VPS35L: variants seen among roughly 807,000 people sequenced by gnomAD.
VPS35L encodes the protein VPS35 endosomal protein sorting factor like.
VPS35L carries 83 observed loss-of-function variants against 133.0 expected under a neutral mutation model. The ratio of observed to expected loss-of-function variants is 0.62; its 90% CI spans 0.52 to 0.75. VPS35L has a LOEUF of 0.75. Among genes scored for constraint, VPS35L ranks in the 30% least tolerant of loss-of-function variants. VPS35L has a pLI of 0.00. For missense variants in VPS35L, 1,083 were observed against 1,206.8 expected (o/e 0.90, Z 1.52); for synonymous variants, 423 against 449.9 (o/e 0.94, Z 0.76).
intron 26 of VPS35L, among the ~76,000 whole-genome samples, chr16:19,660,076 A>G (rs1036382500): frequency 2.6e-5 from 4 of 152,162 alleles, no homozygotes; most frequent in African/African-American, 9.7e-5. Context: ...CTGTAATCCC[A>G]GCACTTTGGG....
At chr16:19,665,617 T>A (rs1974638521) in intron 26 of VPS35L, among the ~76,000 whole-genome samples, 1 of 152,252 alleles carries the variant, frequency 6.6e-6, no homozygotes, top group South Asian at 2.1e-4. Context: ...TCTTGGCTAT[T>A]GTGAACAGTG....
chr16:19,658,230 T>C (rs1174083540), intron 26 of VPS35L, among the ~76,000 whole-genome samples: 1 of 152,148 alleles, frequency 6.6e-6, no homozygotes, highest in African/African-American at 2.4e-5. Context: ...GGAATGCACT[T>C]AAAGAGACTA....
chr16:19,568,306 C>CT lies in VPS35L; in HGVS notation c.118-1106dup, dbSNP rs569208292. 5.2e-3 allele frequency among the ~76,000 whole-genome samples: 759 copies of CT among 144,942 alleles called. 5 individuals carry two copies. The highest frequency in any genetic ancestry group is 0.014 in the African/African-American group (560 of 39,602). On this transcript the variant is annotated intron_variant, in intron 2 of 30. Transcript: ENST00000417362. ...TGGAAGCTCTTCAAACCGCCCCCCC[C>CT]TTTTTTTTTTTTGAGACAGGGTCTC... is the stretch of plus-strand genomic sequence containing the variant.
At chr16:19,560,289 C>G (rs925175565) in intron 1 of VPS35L, among the ~76,000 whole-genome samples, 21 of 152,108 alleles carry the variant, frequency 1.4e-4, no homozygotes, top group African/African-American at 5.1e-4. Flanking sequence ...GCCTGGTATA[C>G]AGTAAGTGCA....
In VPS35L at chr16:19,650,387, G is replaced by A; in HGVS notation, c.2034G>A (p.Val678=). ...EPVLVQLIHS[V]NRLAMETRKV... ...TATTTTATTAATAAATTCAGAGTGT[G>A]AACCGGTTGGCAATGGAGACAAGAA... Residue 678 remains valine (V), a synonymous_variant, in exon 25 of 31, where the codon GTG becomes GTA. Coordinates refer to ENST00000417362, the MANE Select transcript of VPS35L (RefSeq NM_020314.7). 6.2e-7 allele frequency: 1 copy of A among 1,610,990 alleles called. No homozygotes were observed.
At chr16:19,640,948 A>C (rs937443423) in intron 21 of VPS35L, among the ~76,000 whole-genome samples, 1 of 152,138 alleles carries the variant, frequency 6.6e-6, no homozygotes, top group African/African-American at 2.4e-5. Context: ...AGGTCTCTCT[A>C]TGTTGCCCAG....
intron 26 of VPS35L, among the ~76,000 whole-genome samples, chr16:19,655,424 G>A (rs73537554): frequency 0.029 from 4,484 of 152,294 alleles, 228 homozygotes; most frequent in African/African-American, 0.1. Flanking sequence ...CGCTGCTTTT[G>A]TTTGCCTCCC....
intron 26 of VPS35L, 51 bp downstream of exon 26, chr16:19,652,141 C>G: frequency 1.5e-6 from 2 of 1,301,480 alleles, no homozygotes; most frequent in African/African-American, 1.5e-5. Flanking sequence ...CTTAGGAAAA[C>G]TGACTCAGGT....
At chr16:19,615,831 G>A (rs1972870460) in intron 12 of VPS35L, among the ~76,000 whole-genome samples, 1 of 151,718 alleles carries the variant, frequency 6.6e-6, no homozygotes, top group South Asian at 2.1e-4. Context: ...GCCAGGCCTG[G>A]TGACACATGC....
chr16:19,635,291 T>G (rs534296415), intron 19 of VPS35L, among the ~76,000 whole-genome samples: 1 of 152,246 alleles, frequency 6.6e-6, no homozygotes, highest in African/African-American at 2.4e-5. Flanking sequence ...GAGGCTGCAG[T>G]GAGCTATGAT....
At chr16:19,676,374 C>T (rs1481545332) in intron 27 of VPS35L, among the ~76,000 whole-genome samples, 1 of 152,224 alleles carries the variant, frequency 6.6e-6, no homozygotes, top group Non-Finnish European at 1.5e-5. Flanking sequence ...CCTCTCTCCC[C>T]TGCAGACAGA....
rs1175599485 is a variant in VPS35L, at chr16:19,612,397, G to A, written c.1023+1982G>A. Among the ~76,000 whole-genome samples, 3 of 152,092 alleles carry A rather than the reference G, an allele frequency of 2.0e-5. No individual in the cohort carries two copies. The East Asian group carries it at 5.8e-4, about 29-fold the overall frequency. ...GCCTCCGGAGTAGCTGGGATTACAG[G>A]CACCTGCCACCATGCCCAGCTACTT... On this transcript the variant is annotated intron_variant, in intron 12 of 30. Coordinates refer to ENST00000417362, the MANE Select transcript of VPS35L (RefSeq NM_020314.7).
At chr16:19,624,897 C>G (rs960563609) in intron 14 of VPS35L, among the ~76,000 whole-genome samples, 1 of 152,116 alleles carries the variant, frequency 6.6e-6, no homozygotes, top group African/African-American at 2.4e-5. Flanking sequence ...GGACTTAGCC[C>G]GAAACCTGGG....
intron 2 of VPS35L, among the ~76,000 whole-genome samples, chr16:19,566,584 A>C (rs1971197360): frequency 6.6e-6 from 1 of 152,196 alleles, no homozygotes; most frequent in Non-Finnish European, 1.5e-5. Flanking sequence ...CAGCCTCCTG[A>C]GCCAGAGTAG....
At chr16:19,587,865 T>C (rs1411447871) in intron 7 of VPS35L, among the ~76,000 whole-genome samples, 1 of 147,898 alleles carries the variant, frequency 6.8e-6, no homozygotes, top group Admixed American at 6.9e-5. Context: ...AGTGGCGTGA[T>C]CTCTGCTCAC....
At position 19,569,449 on chromosome 16, in the gene VPS35L, T is replaced by C; in HGVS notation, c.143T>C (p.Val48Ala). 6.3e-7 allele frequency: 1 copy of C among 1,597,854 alleles called. No homozygotes were observed. Among genetic ancestry groups the C allele is most frequent in the Non-Finnish European group, 8.5e-7 (1 of 1,173,090 alleles). ...GTCACAGAGTCAAAGACAAAGAAAG[T>C]GAACCGGAAAGGAAGCACTTCTTCC... The part of the protein sequence containing the change: ...ITVTESKTKK[V>A]NRKGSTSSTS... The change falls in exon 3 of 31, where the codon GTG (valine) becomes GCG (alanine). Residue 48 changes from valine (V) to alanine (A), a missense_variant. Physicochemically the swap from Val to Ala is moderately conservative, Grantham distance 64 (BLOSUM62 0). Transcript: ENST00000417362.
At chr16:19,671,982 T>G (rs1567474996) in intron 27 of VPS35L, among the ~76,000 whole-genome samples, 1 of 152,134 alleles carries the variant, frequency 6.6e-6, no homozygotes, top group East Asian at 1.9e-4. Context: ...ATTTTTAAAA[T>G]CATCTAATTG....
At chr16:19,610,727 G>A (rs553654932) in intron 12 of VPS35L, among the ~76,000 whole-genome samples, 1 of 152,130 alleles carries the variant, frequency 6.6e-6, no homozygotes, top group Non-Finnish European at 1.5e-5. Context: ...AGGGCCTTTG[G>A]GCTAACAGGT....
chr16:19,583,295 C>T (rs1314246169), intron 7 of VPS35L, among the ~76,000 whole-genome samples: 1 of 152,070 alleles, frequency 6.6e-6, no homozygotes, highest in Non-Finnish European at 1.5e-5. Context: ...TGTTTTCTGC[C>T]TTTATAAATC....
Sources: allele counts gnomAD v4.1 joint callset (sites outside exome capture counted in the v4.1 genomes callset), GRCh38; gene constraint gnomAD v4.1.1; transcripts MANE v1.5; gene names NCBI Gene and HGNC (gene_info 2026-07-23, HGNC 2026-07-21).